Variants in RNF144A observed in about 807,000 individuals in gnomAD.
RNF144A encodes ring finger protein 144A, also known as E3 ubiquitin-protein ligase RNF144A.
Under a neutral mutation model 38.7 loss-of-function variants are expected in RNF144A, and 11 were observed. The observed-to-expected ratio is 0.28, with a 90% confidence interval of 0.18 to 0.47. RNF144A has a LOEUF of 0.47. Among genes scored for constraint, RNF144A ranks in the 20% least tolerant of loss-of-function variants. RNF144A has a pLI of 0.99. For missense variants in RNF144A, 316 were observed against 377.2 expected (o/e 0.84, Z 1.34); for synonymous variants, 149 against 143.9 (o/e 1.04, Z -0.25).
intron 8 of RNF144A, among the ~76,000 whole-genome samples, chr2:7,033,256 C>T (rs1672445195): frequency 1.3e-5 from 2 of 152,282 alleles, no homozygotes; most frequent in African/African-American, 2.4e-5. Flanking sequence ...GCCCACGTGG[C>T]ATCAGCCGGG....
Position 7,014,439 on chromosome 2 carries a change from C to G in RNF144A, c.136-15C>G. The G allele has an allele frequency of 6.4e-7, 1 of 1,562,172 alleles. No homozygotes were observed. Among genetic ancestry groups the G allele is most frequent in the Non-Finnish European group, 8.8e-7 (1 of 1,133,074 alleles). ...GGTAAAGATGTTTATAGACACTTCT[C>G]TGTTTTTCTTTCAGTGCCTGAAACA... On this transcript the variant is annotated splice_polypyrimidine_tract_variant and intron_variant, in intron 3 of 8. Coordinates refer to ENST00000320892, the MANE Select transcript of RNF144A (RefSeq NM_014746.6).
At chr2:7,014,352 T>C (rs1026744738) in intron 3 of RNF144A, 102 bp from the exon 4 acceptor site, 9 of 807,380 alleles carry the variant, frequency 1.1e-5, no homozygotes, top group African/African-American at 1.0e-4. Flanking sequence ...AATATTAAAC[T>C]GTAATGGAAT....
At position 7,024,392 on chromosome 2, in the gene RNF144A, A is replaced by G. The variant is rs1210824462; in HGVS notation, c.533A>G (p.Asp178Gly). The change falls in exon 7 of 9, where the codon GAT (aspartate) becomes GGT (glycine). Residue 178 changes from aspartate to glycine, a missense_variant. Asp to Gly is a moderately conservative substitution (Grantham distance 94). Transcript: ENST00000320892. ...AGTGCTGCTTTCAAAATGGAAGAAG[A>G]TGACGCGCCCATCAAGCGCTGCCCC... ...ETSAAFKMEE[D>G]DAPIKRCPKC... 1 of 1,608,874 alleles carries G rather than the reference A, an allele frequency of 6.2e-7. No homozygotes were observed. Among genetic ancestry groups the G allele is most frequent in the Non-Finnish European group, 8.5e-7 (1 of 1,175,488 alleles).
downstream of RNF144A, among the ~76,000 whole-genome samples, chr2:7,046,389 A>G (rs1460648661): frequency 6.6e-6 from 1 of 152,246 alleles, no homozygotes; most frequent in East Asian, 1.9e-4. Context: ...TGGCTGCTAT[A>G]GCCAGGGAAG....
intron 1 of RNF144A, among the ~76,000 whole-genome samples, chr2:6,927,683 G>C (rs909839771): frequency 6.6e-6 from 1 of 152,254 alleles, no homozygotes; most frequent in African/African-American, 2.4e-5. Flanking sequence ...TGTGCTGTCA[G>C]TGGGTTTTGG....
rs977571389 is a variant in RNF144A, at chr2:7,029,998, C to G, written c.658-128C>G. The G allele has an allele frequency of 1.0e-5, 7 of 702,720 alleles. No homozygotes were observed. In the Admixed American group the frequency reaches 1.5e-4, roughly 15 times the overall value. 43.5% of individuals were successfully genotyped at this position (702,720 alleles called of 1,614,324 possible). A position where few individuals can be genotyped will look rare whatever the true frequency, so the allele number is the denominator to read the frequency against. ...AGGTGTTCCCGGATGCGTGCCCTTC[C>G]CTGTGTCACCTCCCTCATGTCTCCA... On this transcript the variant is annotated intron_variant, in intron 7 of 8. Transcript: ENST00000320892.
downstream of RNF144A, among the ~76,000 whole-genome samples, chr2:7,068,783 CA>C (rs1340149751): frequency 6.6e-6 from 1 of 152,154 alleles, no homozygotes; most frequent in Admixed American, 6.5e-5. Flanking sequence ...GCCATCAAAG[CA>C]AAGTCACAGA....
chr2:6,979,400 T>C (rs756626822), intron 2 of RNF144A, among the ~76,000 whole-genome samples: 1 of 152,224 alleles, frequency 6.6e-6, no homozygotes, highest in Non-Finnish European at 1.5e-5. Flanking sequence ...GAGCACTGGA[T>C]TTATCTCTGC....
At chr2:6,990,806 G>A (rs1168554402) in intron 2 of RNF144A, among the ~76,000 whole-genome samples, 2 of 152,062 alleles carry the variant, frequency 1.3e-5, no homozygotes, top group Non-Finnish European at 2.9e-5. Context: ...CTGAATAGTT[G>A]CTCTCCCCTA....
At chr2:6,998,248 C>A (rs533227686) in intron 3 of RNF144A, among the ~76,000 whole-genome samples, 7 of 151,306 alleles carry the variant, frequency 4.6e-5, no homozygotes, top group African/African-American at 1.7e-4. Context: ...GTGGGTTTTT[C>A]GAATGCCTGG....
At position 7,041,379 on chromosome 2, in the gene RNF144A, C is replaced by T; in HGVS notation, c.*1619C>T. 2 of 985,872 alleles carry T rather than the reference C, an allele frequency of 2.0e-6. No homozygotes were observed. The highest frequency in any genetic ancestry group is 1.1e-4 in the East Asian group (1 of 8,816). The allele number at this position is 985,872 out of a possible 1,614,324, so 61.1% of individuals were successfully genotyped here. ...AAAAACAGCGTCACCTCACTCTTCA[C>T]CTGTCATGTTGATTTTCCTTATGAA... is the stretch of plus-strand genomic sequence containing the variant. On this transcript the variant is annotated 3_prime_UTR_variant, in exon 9 of 9. Transcript: ENST00000320892.
chr2:7,046,832 G>T (rs577743241), downstream of RNF144A, among the ~76,000 whole-genome samples: 5 of 152,178 alleles, frequency 3.3e-5, no homozygotes, highest in African/African-American at 4.8e-5. Context: ...TCATTCACTT[G>T]TTCTCCTAGG....
downstream of RNF144A, among the ~76,000 whole-genome samples, chr2:7,069,437 T>C (rs1282065700): frequency 3.9e-5 from 6 of 152,222 alleles, no homozygotes; most frequent in Non-Finnish European, 8.8e-5. Flanking sequence ...GCATTGCCTA[T>C]TTTCCCTTCT....
At chr2:7,013,745 A>G (rs1167324719) in intron 3 of RNF144A, among the ~76,000 whole-genome samples, 3 of 152,210 alleles carry the variant, frequency 2.0e-5, no homozygotes, top group East Asian at 1.9e-4. Context: ...AAGACCACAG[A>G]ATCTTTTATA....
At chr2:7,070,816 AG>A (rs758375759), downstream of RNF144A, among the ~76,000 whole-genome samples, 1 of 152,232 alleles carries the variant, frequency 6.6e-6, no homozygotes, top group Non-Finnish European at 1.5e-5. Flanking sequence ...GGAGAAGCCA[AG>A]AAAGATTCTG....
At position 7,040,082 on chromosome 2, in the gene RNF144A, G is replaced by A; in HGVS notation, c.*322G>A. On this transcript the variant is annotated 3_prime_UTR_variant, in exon 9 of 9. Coordinates refer to ENST00000320892, the MANE Select transcript of RNF144A (RefSeq NM_014746.6). ...CTAGGCATGTCTGGGGATGGCCTAA[G>A]AGACTTTCTGCTCCTTGGCTTCTAG... 1 of 1,062,792 alleles carries A rather than the reference G, an allele frequency of 9.4e-7. No homozygotes were observed. Among genetic ancestry groups the A allele is most frequent in the Non-Finnish European group, 1.1e-6 (1 of 879,388 alleles). 65.8% of individuals were successfully genotyped at this position (1,062,792 alleles called of 1,614,324 possible). A position where few individuals can be genotyped will look rare whatever the true frequency, so the allele number is the denominator to read the frequency against.
intron 3 of RNF144A, among the ~76,000 whole-genome samples, chr2:7,011,796 C>G (rs1364192268): frequency 6.6e-6 from 1 of 152,152 alleles, no homozygotes; most frequent in Non-Finnish European, 1.5e-5. Flanking sequence ...CACTTTATAT[C>G]TGGAAGAAAG....
rs933028385 is a variant in RNF144A, at chr2:7,039,980, T to A, written c.*220T>A. ...GGGAGGCAGGTGTGGGTAGCGCACATCCCCACAGATCAATCTCTGCAGATG... is the reference window on the plus strand; with the variant it reads ...GGGAGGCAGGTGTGGGTAGCGCACAACCCCACAGATCAATCTCTGCAGATG... On this transcript the variant is annotated 3_prime_UTR_variant, in exon 9 of 9. Transcript: ENST00000320892. 3.0e-6 allele frequency: 4 copies of A among 1,339,848 alleles called. No individual in the cohort carries two copies. The highest frequency in any genetic ancestry group is 3.8e-6 in the Non-Finnish European group (4 of 1,043,096). The allele number at this position is 1,339,848 out of a possible 1,614,324, so 83.0% of individuals were successfully genotyped here. A position where few individuals can be genotyped will look rare whatever the true frequency, so the allele number is the denominator to read the frequency against.
At chr2:7,029,332 A>C (rs191875655) in intron 7 of RNF144A, among the ~76,000 whole-genome samples, 1 of 152,316 alleles carries the variant, frequency 6.6e-6, no homozygotes, top group African/African-American at 2.4e-5. Context: ...CCCTCACGCC[A>C]GTGGGTAGTC....
Sources: gnomAD v4.1 joint callset for allele counts (sites outside exome capture counted in the v4.1 genomes callset) on GRCh38, gnomAD v4.1.1 for gene constraint, MANE v1.5 for transcripts, NCBI Gene and HGNC (gene_info 2026-07-23, HGNC 2026-07-21) for gene names.